Variants in CELSR1 observed in about 807,000 individuals in gnomAD.
CELSR1 encodes cadherin EGF LAG seven-pass G-type receptor 1.
In CELSR1, 110 loss-of-function variants were observed where a neutral mutation model predicts 249.1. The observed-to-expected ratio is 0.44, with a 90% CI of 0.38 to 0.52. The LOEUF (loss-of-function observed/expected upper bound fraction) is 0.52. Among genes scored for constraint, CELSR1 ranks in the 20% least tolerant of loss-of-function variants. The probability of loss-of-function intolerance (pLI) is 0.00; values close to 1 mark genes in which losing one functional copy is unlikely to be tolerated. For missense variants in CELSR1, 4,109 were observed against 4,296.4 expected (o/e 0.96, Z 1.22); for synonymous variants, 2,113 against 1,900.0 (o/e 1.11, Z -2.92).
intron 1 of CELSR1, among the ~76,000 whole-genome samples, chr22:46,497,363 C>T (rs2080423263): frequency 1.3e-5 from 2 of 152,214 alleles, no homozygotes; most frequent in Admixed American, 1.3e-4. Flanking sequence ...TGTCTTACTG[C>T]ATTGACTAAG....
Position 46,407,263 on chromosome 22 carries a change from G to A in CELSR1, c.5226+1733C>T, listed in dbSNP as rs985862264. ...CACATGCACACAGACATGCACAAAT[G>A]TGCACGCATGGAGAGATGCACATAC... On this transcript the variant is annotated intron_variant, in intron 9 of 34. Transcript: ENST00000674500. The surrounding 1 kb of genome is among the most constrained non-coding windows in gnomAD (Gnocchi z 4.8). Among the ~76,000 whole-genome samples the A allele has an allele frequency of 6.6e-6, 1 of 152,160 alleles. No homozygotes were observed. The highest frequency in any genetic ancestry group is 1.9e-4 in the East Asian group (1 of 5,194).
At chr22:46,364,398 C>G in intron 33 of CELSR1, 114 bp downstream of exon 33, 1 of 1,491,146 alleles carries the variant, frequency 6.7e-7, no homozygotes, top group Middle Eastern at 2.2e-4. Flanking sequence ...CACGTCTGTT[C>G]TGCCCAGGCC....
At chr22:46,425,830 GT>G in intron 5 of CELSR1, among the ~76,000 whole-genome samples, 1 of 151,802 alleles carries the variant, frequency 6.6e-6, no homozygotes, top group Non-Finnish European at 1.5e-5. Flanking sequence ...GGTTTATTTT[GT>G]TCTTATTCTA....
rs542645407 is a variant in CELSR1 at position 46,393,149 on chromosome 22, C to T, written c.5964+993G>A. Among the ~76,000 whole-genome samples the T allele has an allele frequency of 6.6e-6, 1 of 152,278 alleles. No individual in the cohort carries two copies. The highest frequency in any genetic ancestry group is 2.1e-4 in the South Asian group (1 of 4,824). ...GCCGCATCTGCAGGAAGCTCACGTC[C>T]CTCGCCCAGGCTCCTGTTACCCTCA... On this transcript the variant is annotated intron_variant, in intron 14 of 34. Transcript: ENST00000674500. The surrounding 1 kb of genome is among the most constrained non-coding windows in gnomAD (Gnocchi z 4.1).
intron 1 of CELSR1, among the ~76,000 whole-genome samples, chr22:46,511,492 T>C (rs903975102): frequency 3.9e-5 from 6 of 152,214 alleles, no homozygotes; most frequent in Non-Finnish European, 1.5e-5. Flanking sequence ...CATAACACGA[T>C]AGTGACTGTG....
At position 46,364,844 on chromosome 22, in the gene CELSR1, C is replaced by A. The variant is rs578085547; in HGVS notation, c.8555-108G>T. 89 of 1,111,304 alleles carry A rather than the reference C, an allele frequency of 8.0e-5. No individual in the cohort carries two copies. In the East Asian group the frequency reaches 2.1e-3, roughly 26 times the overall value. The allele number at this position is 1,111,304 out of a possible 1,614,324, so 68.8% of individuals were successfully genotyped here. On this transcript the variant is annotated intron_variant, in intron 32 of 34. Coordinates refer to ENST00000674500, the MANE Select transcript of CELSR1 (RefSeq NM_001378328.1). ...GACCCACCTCTCCCCAACCTGCAGG[C>A]CTGGTAGGGCTGAACCCTAAAGGTG... is the stretch of plus-strand genomic sequence containing the variant.
Position 46,374,290 on chromosome 22 carries a change from T to C in CELSR1, c.7585-1233A>G, listed in dbSNP as rs375921282. 1.4e-4 allele frequency among the ~76,000 whole-genome samples: 22 copies of C among 152,288 alleles called. No individual in the cohort carries two copies. Among genetic ancestry groups the C allele is most frequent in the African/African-American group, 5.1e-4 (21 of 41,560 alleles). ...TGGCTGCTTCAAGTAATGCGAAAAGTAAACCCACGAAACCACCTTTTGAAA... is the reference window on the plus strand; with the variant it reads ...TGGCTGCTTCAAGTAATGCGAAAAGCAAACCCACGAAACCACCTTTTGAAA... On this transcript the variant is annotated intron_variant, in intron 24 of 34. Transcript: ENST00000674500. This position sits in a 1 kb window ranked among gnomAD's most constrained non-coding sequence, Gnocchi z 4.3.
At chr22:46,523,555 T>TAAATA (rs1555937564) in intron 1 of CELSR1, among the ~76,000 whole-genome samples, 13 of 114,284 alleles carry the variant, frequency 1.1e-4, no homozygotes, top group Non-Finnish European at 2.3e-4. Flanking sequence ...AATAAATAAA[T>TAAATA]AAATAAAATA....
At chr22:46,498,216 T>A (rs1372121240) in intron 1 of CELSR1, among the ~76,000 whole-genome samples, 1 of 117,462 alleles carries the variant, frequency 8.5e-6, no homozygotes, top group Non-Finnish European at 1.6e-5. Context: ...GCCACTGCAC[T>A]CCAGCCTGGG....
Position 46,372,876 on chromosome 22 carries a change from T to C in CELSR1, c.7759+7A>G. 6.2e-7 allele frequency: 1 copy of C among 1,601,418 alleles called. No homozygotes were observed. Among genetic ancestry groups the C allele is most frequent in the South Asian group, 1.1e-5 (1 of 89,556 alleles). Reference sequence around the variant, plus strand: ...GTTTTATGCAGGGCCACTCTGTGCATCCTCACCTGTGACAATGGCCGGGAT... The same window carrying C: ...GTTTTATGCAGGGCCACTCTGTGCACCCTCACCTGTGACAATGGCCGGGAT... On this transcript the variant is annotated splice_region_variant and intron_variant, in intron 25 of 34. Coordinates refer to ENST00000674500, the MANE Select transcript of CELSR1 (RefSeq NM_001378328.1).
intron 1 of CELSR1, among the ~76,000 whole-genome samples, chr22:46,515,125 A>G (rs1400841916): frequency 6.6e-6 from 1 of 151,232 alleles, no homozygotes; most frequent in Non-Finnish European, 1.5e-5. Flanking sequence ...AGCAGAGCCA[A>G]CCCCCCCCGG....
intron 5 of CELSR1, among the ~76,000 whole-genome samples, chr22:46,422,023 A>G: frequency 6.6e-6 from 1 of 152,254 alleles, no homozygotes; most frequent in South Asian, 2.1e-4. Context: ...GATTTTACAT[A>G]CTTTGCAAGG....
At chr22:46,368,293 C>T (rs912802977) in intron 27 of CELSR1, among the ~76,000 whole-genome samples, 11 of 152,068 alleles carry the variant, frequency 7.2e-5, no homozygotes, top group African/African-American at 1.2e-4. Flanking sequence ...AAGACAAAGG[C>T]GCATCCCCTC....
At position 46,454,050 on chromosome 22, in the gene CELSR1, T is replaced by C. The variant is rs949954289; in HGVS notation, c.4183+9657A>G. Among the ~76,000 whole-genome samples the C allele has an allele frequency of 6.6e-6, 1 of 152,198 alleles. No homozygotes were observed. Among genetic ancestry groups the C allele is most frequent in the African/African-American group, 2.4e-5 (1 of 41,450 alleles). On this transcript the variant is annotated intron_variant, in intron 2 of 34. Coordinates refer to ENST00000674500, the MANE Select transcript of CELSR1 (RefSeq NM_001378328.1). The surrounding 1 kb of genome is among the most constrained non-coding windows in gnomAD (Gnocchi z 5.1). ...TTGAGACGGGGCAGTCATCCTGCAT[T>C]ACTGTGTGGCCCCAAAGTCATCACA...
chr22:46,363,154 C>G lies in CELSR1; in HGVS notation c.*69G>C. On this transcript the variant is annotated 3_prime_UTR_variant, in exon 35 of 35. Coordinates refer to ENST00000674500, the MANE Select transcript of CELSR1 (RefSeq NM_001378328.1). This position sits in a 1 kb window ranked among gnomAD's most constrained non-coding sequence, Gnocchi z 4.3. The stretch of plus-strand genomic sequence containing the variant: ...CCAAGGTCTGAGGGTGATGCCGCAG[C>G]CTGTGTGGGGTGACGGGCTTGCCTC... The G allele has an allele frequency of 1.2e-6, 2 of 1,613,798 alleles. No homozygotes were observed. Among genetic ancestry groups the G allele is most frequent in the Non-Finnish European group, 1.7e-6 (2 of 1,179,908 alleles).
intron 23 of CELSR1, 30 bp downstream of exon 23, chr22:46,378,561 A>G: frequency 6.5e-7 from 1 of 1,544,144 alleles, no homozygotes; most frequent in Non-Finnish European, 8.8e-7. Context: ...GTAGGCCCAG[A>G]GGGCACAGTG....
intron 23 of CELSR1, chr22:46,377,523 G>A: frequency 1.9e-6 from 1 of 516,806 alleles, no homozygotes; most frequent in East Asian, 3.4e-5. Flanking sequence ...GGGCCGTTCA[G>A]AGACCTCTGG....
chr22:46,466,343 T>C (rs1218830002), intron 1 of CELSR1, among the ~76,000 whole-genome samples: 2 of 152,174 alleles, frequency 1.3e-5, no homozygotes, highest in African/African-American at 4.8e-5. Flanking sequence ...CCACAGGATG[T>C]AGCAGGAAAC....
At position 46,406,763 on chromosome 22, in the gene CELSR1, C is replaced by T. The variant is rs753284246; in HGVS notation, c.5226+2233G>A. On this transcript the variant is annotated intron_variant, in intron 9 of 34. Coordinates refer to ENST00000674500, the MANE Select transcript of CELSR1 (RefSeq NM_001378328.1). This position sits in a 1 kb window ranked among gnomAD's most constrained non-coding sequence, Gnocchi z 5.4. The stretch of plus-strand genomic sequence containing the variant: ...GAAGAGCCTCTACGCCTCAGTTTCC[C>T]GTGTGTGGAACGAGAGCTTGGAGCA... Among the ~76,000 whole-genome samples the T allele has an allele frequency of 2.0e-5, 3 of 152,206 alleles. No individual in the cohort carries two copies. Among genetic ancestry groups the T allele is most frequent in the Non-Finnish European group, 2.9e-5 (2 of 68,040 alleles).
Sources: allele counts gnomAD v4.1 joint callset (sites outside exome capture counted in the v4.1 genomes callset), GRCh38; gene constraint gnomAD v4.1.1; non-coding constraint Gnocchi (gnomAD v3.1); transcripts MANE v1.5; gene names NCBI Gene and HGNC (gene_info 2026-07-23, HGNC 2026-07-21).